CSNK2A2IP: variants seen among roughly 807,000 people sequenced by gnomAD.
CSNK2A2IP encodes the protein casein kinase 2 subunit alpha' interacting protein.
chr3:88,367,626 CT>C, the CSNK2A2IP span, among the ~76,000 whole-genome samples: 1 of 152,048 alleles, frequency 6.6e-6, no homozygotes, highest in Non-Finnish European at 1.5e-5. Context: ...GAAGACAGTG[CT>C]TTGGAAAACA....
the CSNK2A2IP span, among the ~76,000 whole-genome samples, chr3:88,347,115 T>C: frequency 6.6e-6 from 1 of 152,036 alleles, no homozygotes; most frequent in Non-Finnish European, 1.5e-5. Context: ...CCTGAAGATA[T>C]GACTGAATTG....
the CSNK2A2IP span, among the ~76,000 whole-genome samples, chr3:88,449,850 C>T: frequency 0.045 from 3,776 of 83,650 alleles, 81 homozygotes; most frequent in Non-Finnish European, 0.074. Flanking sequence ...CACACACACA[C>T]ACACATATAT....
chr3:88,439,792 G>C, the CSNK2A2IP span, among the ~76,000 whole-genome samples: 1 of 150,862 alleles, frequency 6.6e-6, no homozygotes, highest in South Asian at 2.1e-4. Context: ...TAATTGCATA[G>C]GGATTAGGAT....
At chr3:88,450,841 G>A in the CSNK2A2IP span, among the ~76,000 whole-genome samples, 1 of 152,096 alleles carries the variant, frequency 6.6e-6, no homozygotes, top group Non-Finnish European at 1.5e-5. Context: ...ATGAGATAGT[G>A]ATTTCATTTC....
the CSNK2A2IP span, among the ~76,000 whole-genome samples, chr3:88,402,088 A>G: frequency 6.6e-6 from 1 of 151,420 alleles, no homozygotes; most frequent in East Asian, 1.9e-4. Flanking sequence ...CATTCCACAT[A>G]GGTACAAAAT....
chr3:88,429,595 C>G, the CSNK2A2IP span, among the ~76,000 whole-genome samples: 1 of 152,118 alleles, frequency 6.6e-6, no homozygotes, highest in African/African-American at 2.4e-5. Context: ...AGGCTATGTT[C>G]TCTATACCTT....
At chr3:88,348,631 A>G in the CSNK2A2IP span, among the ~76,000 whole-genome samples, 2 of 152,064 alleles carry the variant, frequency 1.3e-5, no homozygotes, top group Non-Finnish European at 2.9e-5. Context: ...ATTGGAAAAT[A>G]CCATTTTAGG....
the CSNK2A2IP span, among the ~76,000 whole-genome samples, chr3:88,442,885 A>C: frequency 6.6e-6 from 1 of 151,996 alleles, no homozygotes; most frequent in African/African-American, 2.4e-5. Flanking sequence ...CTATAATAAA[A>C]AATTATTTAT....
the CSNK2A2IP span, among the ~76,000 whole-genome samples, chr3:88,452,928 T>C: frequency 5.9e-5 from 9 of 152,170 alleles, no homozygotes; most frequent in African/African-American, 2.2e-4. Flanking sequence ...TTAGTTTGCA[T>C]GTTTGTGCAT....
the CSNK2A2IP span, among the ~76,000 whole-genome samples, chr3:88,448,654 C>T: frequency 6.6e-6 from 1 of 152,184 alleles, no homozygotes; most frequent in African/African-American, 2.4e-5. Context: ...TTCCCACTCC[C>T]TAACTCTTTT....
the CSNK2A2IP span, among the ~76,000 whole-genome samples, chr3:88,365,551 G>T: frequency 9.9e-5 from 15 of 152,116 alleles, no homozygotes; most frequent in Non-Finnish European, 1.8e-4. Context: ...GGATGGATTC[G>T]CTTTTCTGGA....
the CSNK2A2IP span, among the ~76,000 whole-genome samples, chr3:88,354,386 T>C: frequency 1.3e-5 from 2 of 152,214 alleles, no homozygotes; most frequent in Non-Finnish European, 2.9e-5. Flanking sequence ...TTACTATTAC[T>C]ATTTTTTAAA....
At chr3:88,466,454 C>T in the CSNK2A2IP span, 1 of 1,231,992 alleles carries the variant, frequency 8.1e-7, no homozygotes, top group Non-Finnish European at 1.0e-6. Context: ...CATCCAAAAA[C>T]AAACATCTCA....
At chr3:88,416,267 C>T in the CSNK2A2IP span, among the ~76,000 whole-genome samples, 3 of 144,562 alleles carry the variant, frequency 2.1e-5, no homozygotes, top group Non-Finnish European at 4.5e-5. Flanking sequence ...GTGAGACTCC[C>T]TATTAAAAAA....
chr3:88,385,957 A>T, the CSNK2A2IP span, among the ~76,000 whole-genome samples: 2 of 152,066 alleles, frequency 1.3e-5, no homozygotes, highest in East Asian at 1.9e-4. Flanking sequence ...AAACATGAAG[A>T]CTCTGCAAGT....
chr3:88,448,670 G>A, the CSNK2A2IP span, among the ~76,000 whole-genome samples: 3 of 152,124 alleles, frequency 2.0e-5, no homozygotes, highest in East Asian at 3.9e-4. Flanking sequence ...CTTTTCACAC[G>A]CAGACATACT....
chr3:88,446,246 G>A, the CSNK2A2IP span, among the ~76,000 whole-genome samples: 2,040 of 151,572 alleles, frequency 0.013, 39 homozygotes, highest in African/African-American at 0.047. Flanking sequence ...ATGCCACTAC[G>A]CCCAGCTAAT....
At chr3:88,438,920 A>T in the CSNK2A2IP span, among the ~76,000 whole-genome samples, 4 of 127,612 alleles carry the variant, frequency 3.1e-5, no homozygotes, top group Non-Finnish European at 7.6e-5. Context: ...GTTGTCTTCA[A>T]ACTCATGTAT....
chr3:88,410,124 T>C, the CSNK2A2IP span, among the ~76,000 whole-genome samples: 3 of 152,062 alleles, frequency 2.0e-5, no homozygotes, highest in Non-Finnish European at 2.9e-5. Context: ...TAAAAACATA[T>C]GGGGGTTTCA....
Sources: gnomAD v4.1 joint callset for allele counts (sites outside exome capture counted in the v4.1 genomes callset) on GRCh38, gnomAD v4.1.1 for gene constraint, MANE v1.5 for transcripts, NCBI Gene and HGNC (gene_info 2026-07-23, HGNC 2026-07-21) for gene names.